ZNF438: variants seen among roughly 807,000 people sequenced by gnomAD.
The protein encoded by ZNF438 is zinc finger protein 438.
ZNF438 carries 25 observed loss-of-function variants against 38.0 expected under a neutral mutation model. The observed-to-expected ratio is 0.66, with a 90% CI of 0.48 to 0.92. ZNF438 has a LOEUF of 0.92. ZNF438 is among the 40% of genes least tolerant of loss of function. The pLI is 0.00. For missense variants in ZNF438, 1,007 were observed against 999.6 expected, an observed-to-expected ratio of 1.01 and a Z score of -0.10; for synonymous variants, 372 against 364.1, an observed-to-expected ratio of 1.02 and a Z score of -0.25.
chr10:30,936,329 C>T (rs1239376707), intron 2 of ZNF438, among the ~76,000 whole-genome samples: 2 of 152,174 alleles, frequency 1.3e-5, no homozygotes, highest in East Asian at 1.9e-4. Flanking sequence ...ACAAACCATC[C>T]ACTTTCTGGT....
At chr10:30,888,793 A>G (rs1035668168) in intron 3 of ZNF438, among the ~76,000 whole-genome samples, 2 of 152,138 alleles carry the variant, frequency 1.3e-5, no homozygotes, top group African/African-American at 4.8e-5. Flanking sequence ...TTTTAGGTTG[A>G]TTCTATGTCT....
intron 3 of ZNF438, among the ~76,000 whole-genome samples, chr10:30,883,854 C>T (rs1295202150): frequency 6.6e-6 from 1 of 152,178 alleles, no homozygotes; most frequent in Non-Finnish European, 1.5e-5. Flanking sequence ...CCACTGCACG[C>T]ACTCCAGACT....
At chr10:30,869,853 G>A (rs2037107516) in intron 4 of ZNF438, among the ~76,000 whole-genome samples, 1 of 152,210 alleles carries the variant, frequency 6.6e-6, no homozygotes, top group East Asian at 1.9e-4. Context: ...CATAGGGAAT[G>A]ATATTTTCCC....
intron 3 of ZNF438, among the ~76,000 whole-genome samples, chr10:30,899,636 G>A (rs945547967): frequency 2.6e-5 from 4 of 151,948 alleles, no homozygotes; most frequent in African/African-American, 7.2e-5. Flanking sequence ...AATAGCAAAC[G>A]TACTGAACCT....
At chr10:30,949,325 C>G (rs370447983) in intron 1 of ZNF438, among the ~76,000 whole-genome samples, 15 of 151,636 alleles carry the variant, frequency 9.9e-5, no homozygotes, top group East Asian at 1.9e-4. Context: ...ATCAAGACTA[C>G]GAAGAAACTG....
intron 1 of ZNF438, among the ~76,000 whole-genome samples, chr10:30,978,997 AG>A (rs1194206179): frequency 6.6e-6 from 1 of 151,742 alleles, no homozygotes; most frequent in African/African-American, 2.4e-5. Flanking sequence ...GAATTATGCT[AG>A]GGCCATGAAT....
intron 1 of ZNF438, among the ~76,000 whole-genome samples, chr10:30,987,368 T>TAAAA (rs563193843): frequency 6.8e-6 from 1 of 147,556 alleles, no homozygotes; most frequent in South Asian, 2.1e-4. Flanking sequence ...GATGCTGAAT[T>TAAAA]AAAAAAAAAA....
At chr10:30,947,302 T>A (rs2047529612) in intron 1 of ZNF438, among the ~76,000 whole-genome samples, 1 of 152,178 alleles carries the variant, frequency 6.6e-6, no homozygotes, top group Admixed American at 6.5e-5. Flanking sequence ...TGAGGTACAA[T>A]AAAATGGCTG....
At chr10:31,028,543 T>C (rs2057084881) in intron 1 of ZNF438, among the ~76,000 whole-genome samples, 1 of 152,218 alleles carries the variant, frequency 6.6e-6, no homozygotes, top group Non-Finnish European at 1.5e-5. Flanking sequence ...GGCATTCTTT[T>C]GCCCCTTTGC....
At chr10:30,870,407 A>C (rs2037206581) in intron 4 of ZNF438, among the ~76,000 whole-genome samples, 1 of 138,514 alleles carries the variant, frequency 7.2e-6, no homozygotes, top group Non-Finnish European at 1.5e-5. Flanking sequence ...CATCCTTTTT[A>C]CATTTCAAAA....
At chr10:30,866,678 C>CA in intron 4 of ZNF438, among the ~76,000 whole-genome samples, 1 of 152,056 alleles carries the variant, frequency 6.6e-6, no homozygotes, top group South Asian at 2.1e-4. Context: ...ACTAAAAATA[C>CA]AAAAAATTAG....
upstream of ZNF438, among the ~76,000 whole-genome samples, chr10:31,032,327 GCGGGTC>G (rs1477226026): frequency 1.3e-5 from 2 of 152,262 alleles, no homozygotes; most frequent in East Asian, 3.9e-4. Context: ...TCAGGTGCTG[GCGGGTC>G]CTCAGCCCTG....
chr10:31,009,199 C>T (rs1460504464), intron 1 of ZNF438, among the ~76,000 whole-genome samples: 1 of 152,164 alleles, frequency 6.6e-6, no homozygotes, highest in East Asian at 1.9e-4. Flanking sequence ...TTCTCTTACC[C>T]TGTATACCTC....
chr10:30,992,985 G>A (rs2053660948), intron 1 of ZNF438, among the ~76,000 whole-genome samples: 1 of 152,172 alleles, frequency 6.6e-6, no homozygotes, highest in East Asian at 1.9e-4. Context: ...ATACTGTGTG[G>A]TTACTTTTTG....
chr10:30,954,628 G>A (rs777502727), intron 1 of ZNF438, among the ~76,000 whole-genome samples: 12 of 152,004 alleles, frequency 7.9e-5, no homozygotes, highest in Non-Finnish European at 1.8e-4. Context: ...AAGCTCATAG[G>A]AATATTATGG....
chr10:31,017,793 C>T lies in ZNF438; in HGVS notation c.-192+14040G>A, dbSNP rs180758271. Among the ~76,000 whole-genome samples, 526 of 152,286 alleles carry T rather than the reference C, an allele frequency of 3.5e-3. 4 individuals are homozygous for T. The highest frequency in any genetic ancestry group is 0.011 in the African/African-American group (469 of 41,552). On this transcript the variant is annotated intron_variant, in intron 1 of 5. Coordinates refer to ENST00000413025, the Ensembl canonical transcript of ZNF438. ...TGACCTGACTGATTTCAGGCTTAGC[C>T]ATTTGACTTGCTTTGGCCAATAAAA... is the stretch of plus-strand genomic sequence containing the variant.
At chr10:31,027,406 G>T (rs907367572) in intron 1 of ZNF438, among the ~76,000 whole-genome samples, 8 of 151,840 alleles carry the variant, frequency 5.3e-5, no homozygotes, top group African/African-American at 7.3e-5. Context: ...AAAGGAATCT[G>T]AATTTTATTT....
chr10:30,979,244 C>A (rs1398220339), intron 1 of ZNF438, among the ~76,000 whole-genome samples: 1 of 152,200 alleles, frequency 6.6e-6, no homozygotes, highest in Non-Finnish European at 1.5e-5. Context: ...AACATGATAT[C>A]CATCCTGCAG....
chr10:30,947,371 A>G (rs776292679), intron 1 of ZNF438, among the ~76,000 whole-genome samples: 4 of 152,264 alleles, frequency 2.6e-5, no homozygotes, highest in Non-Finnish European at 4.4e-5. Context: ...CCATAACAGA[A>G]TCTAGTAAAG....
Sources: gnomAD v4.1 joint callset for allele counts (sites outside exome capture counted in the v4.1 genomes callset) on GRCh38, gnomAD v4.1.1 for gene constraint, MANE v1.5 for transcripts, NCBI Gene and HGNC (gene_info 2026-07-23, HGNC 2026-07-21) for gene names.